Variants in TENT5D observed in about 807,000 individuals in gnomAD.
TENT5D encodes the protein terminal nucleotidyltransferase 5D, also known as cancer/testis antigen 112.
For missense variants in TENT5D, 191 were observed against 287.0 expected, an observed-to-expected ratio of 0.67 and a Z score of 2.42; for synonymous variants, 103 against 100.6, an observed-to-expected ratio of 1.02 and a Z score of -0.15.
At chrX:80,400,098 C>T (rs1931364544) in intron 3 of TENT5D, among the ~76,000 whole-genome samples, 1 of 111,231 alleles carries the variant, frequency 9.0e-6, no homozygotes, top group African/African-American at 3.3e-5. Context: ...GCTCCAGAAC[C>T]AGGGAAGCTA....
intron 1 of TENT5D, among the ~76,000 whole-genome samples, chrX:80,431,027 C>G (rs1047240483): frequency 8.9e-6 from 1 of 111,792 alleles, no homozygotes; most frequent in East Asian, 2.8e-4. Flanking sequence ...GCTTCCCTTC[C>G]TATGGCCCCA....
intron 3 of TENT5D, among the ~76,000 whole-genome samples, chrX:80,353,162 G>A (rs918373061): frequency 1.8e-5 from 2 of 112,439 alleles, no homozygotes; most frequent in African/African-American, 6.5e-5. Flanking sequence ...TAATTGGTTT[G>A]TCTTATTCTT....
intron 3 of TENT5D, among the ~76,000 whole-genome samples, chrX:80,388,675 C>T (rs1931068778): frequency 8.9e-6 from 1 of 111,769 alleles, no homozygotes; most frequent in African/African-American, 3.3e-5. Context: ...GAACAAGTCT[C>T]TCCAAGAATT....
intron 2 of TENT5D, among the ~76,000 whole-genome samples, chrX:80,339,664 A>G (rs1319647721): frequency 9.0e-6 from 1 of 110,651 alleles, no homozygotes; most frequent in Non-Finnish European, 1.9e-5. Context: ...TTTGGAAGTG[A>G]CAAATAAACA....
chrX:80,365,368 C>T (rs764706206), intron 3 of TENT5D, among the ~76,000 whole-genome samples: 2 of 111,394 alleles, frequency 1.8e-5, no homozygotes, highest in South Asian at 7.5e-4. Context: ...TGGAAAGTCA[C>T]CTGATACAGA....
chrX:80,437,437 A>G (rs1049541081), intron 1 of TENT5D, among the ~76,000 whole-genome samples: 4 of 111,917 alleles, frequency 3.6e-5, no homozygotes, highest in Non-Finnish European at 7.5e-5. Context: ...AAACAATGCA[A>G]GACACTTCCG....
chrX:80,363,007 TCTA>T (rs1238876456), intron 3 of TENT5D, among the ~76,000 whole-genome samples: 1 of 112,067 alleles, frequency 8.9e-6, no homozygotes, highest in Non-Finnish European at 1.9e-5. Flanking sequence ...TACAAAAAAA[TCTA>T]CTAATGCAGT....
chrX:80,380,922 T>C (rs890558307), intron 3 of TENT5D, among the ~76,000 whole-genome samples: 1 of 111,705 alleles, frequency 9.0e-6, no homozygotes, highest in African/African-American at 3.3e-5. Flanking sequence ...AATTTTTCAG[T>C]CTGTGTCTTT....
chrX:80,440,743 A>T (rs1177314248), intron 2 of TENT5D, among the ~76,000 whole-genome samples: 1 of 111,197 alleles, frequency 9.0e-6, no homozygotes, highest in Admixed American at 9.6e-5. Flanking sequence ...GGAATTTTAG[A>T]ACTTTTGCTG....
intron 3 of TENT5D, among the ~76,000 whole-genome samples, chrX:80,385,017 A>G (rs1206817077): frequency 2.7e-5 from 3 of 111,564 alleles, no homozygotes; most frequent in African/African-American, 6.5e-5. Context: ...TATACATTCA[A>G]TGCCATCCCC....
intron 3 of TENT5D, among the ~76,000 whole-genome samples, chrX:80,387,972 T>C (rs745866885): frequency 1.3e-4 from 14 of 111,317 alleles, no homozygotes; most frequent in Non-Finnish European, 2.1e-4. Flanking sequence ...TGTTCTCTCC[T>C]CTTTCTACAG....
intron 3 of TENT5D, among the ~76,000 whole-genome samples, chrX:80,415,020 T>A (rs1405917666): frequency 8.9e-6 from 1 of 112,109 alleles, no homozygotes; most frequent in Non-Finnish European, 1.9e-5. Context: ...CCTGCTTAGA[T>A]GTATTCCCAG....
At chrX:80,434,949 A>T (rs953605835) in intron 1 of TENT5D, among the ~76,000 whole-genome samples, 3 of 108,716 alleles carry the variant, frequency 2.8e-5, no homozygotes, top group African/African-American at 1.0e-4. Context: ...TGCCCAGCTA[A>T]TTTTTTTGTA....
intron 3 of TENT5D, among the ~76,000 whole-genome samples, chrX:80,378,595 C>T (rs1254579725): frequency 1.8e-5 from 2 of 110,761 alleles, no homozygotes; most frequent in African/African-American, 6.6e-5. Flanking sequence ...CTGTAGATGT[C>T]TGGTGTTATT....
At chrX:80,365,765 C>T (rs1214568340) in intron 3 of TENT5D, among the ~76,000 whole-genome samples, 2 of 108,764 alleles carry the variant, frequency 1.8e-5, no homozygotes, top group Non-Finnish European at 3.8e-5. Flanking sequence ...TACTTGAACC[C>T]GGGAGGCAGA....
At chrX:80,380,512 C>G (rs1407314997) in intron 3 of TENT5D, among the ~76,000 whole-genome samples, 2 of 110,748 alleles carry the variant, frequency 1.8e-5, no homozygotes, top group Non-Finnish European at 3.8e-5. Context: ...CCTGGGTATC[C>G]TTGTTAACCT....
chrX:80,444,760 G>A (rs1042772101), exon 3 of TENT5D: 5 of 122,479 alleles, frequency 4.1e-5, no homozygotes, highest in Non-Finnish European at 7.6e-5. Flanking sequence ...GAATTTTTGC[G>A]TAACACTATA....
chrX:80,354,148 T>C (rs1327849056), intron 3 of TENT5D, among the ~76,000 whole-genome samples: 2 of 111,649 alleles, frequency 1.8e-5, no homozygotes, highest in African/African-American at 3.3e-5. Context: ...ATTTTTCTTT[T>C]GTATTGACTT....
chrX:80,426,026 C>T (rs1931982044), intron 1 of TENT5D, among the ~76,000 whole-genome samples: 1 of 109,714 alleles, frequency 9.1e-6, no homozygotes, highest in Non-Finnish European at 1.9e-5. Context: ...GACTCCATCT[C>T]AAAAAATAAT....
Sources: gnomAD v4.1 joint callset for allele counts (sites outside exome capture counted in the v4.1 genomes callset) on GRCh38, gnomAD v4.1.1 for gene constraint, MANE v1.5 for transcripts, NCBI Gene and HGNC (gene_info 2026-07-23, HGNC 2026-07-21) for gene names.